Variants in CCDC66 observed in about 807,000 individuals in gnomAD.
The protein encoded by CCDC66 is coiled-coil domain-containing protein 66.
CCDC66 carries 133 observed loss-of-function variants against 128.3 expected under a neutral mutation model. That is an observed-to-expected ratio of 1.04 (90% CI 0.90 to 1.20). The LOEUF (loss-of-function observed/expected upper bound fraction) is 1.20, where lower values mean the gene tolerates loss of function less well. CCDC66 is among the 50% of genes most tolerant of loss of function. The pLI is 0.00. For synonymous variants in CCDC66, 387 were observed against 357.0 expected, an observed-to-expected ratio of 1.08 and a Z score of -0.95; for missense variants, 1,126 against 1,075.5, an observed-to-expected ratio of 1.05 and a Z score of -0.66.
intron 4 of CCDC66, among the ~76,000 whole-genome samples, chr3:56,566,003 G>A (rs1205150555): frequency 6.6e-6 from 1 of 152,168 alleles, no homozygotes; most frequent in Non-Finnish European, 1.5e-5. Flanking sequence ...AAGAGGAAAT[G>A]GAGATTTGTT....
chr3:56,576,518 T>C (rs1021520482), intron 7 of CCDC66, among the ~76,000 whole-genome samples: 3 of 150,776 alleles, frequency 2.0e-5, no homozygotes, highest in African/African-American at 7.3e-5. Context: ...TAACTCGTCA[T>C]TTACATTAGA....
chr3:56,619,692 A>ATGAC, intron 16 of CCDC66, 85 bp from the exon 17 acceptor site: 1 of 1,520,228 alleles, frequency 6.6e-7, no homozygotes, highest in South Asian at 1.3e-5. Flanking sequence ...ACTTATTATA[A>ATGAC]TGACTCCTGA....
intron 7 of CCDC66, among the ~76,000 whole-genome samples, chr3:56,582,767 A>G (rs955247): frequency 0.044 from 6,604 of 151,196 alleles, 201 homozygotes; most frequent in East Asian, 0.099. Context: ...ACTTCGATCT[A>G]CATTAATGCT....
intron 1 of CCDC66, chr3:56,557,727 G>T (rs2064529462): frequency 6.1e-6 from 1 of 162,748 alleles, no homozygotes; most frequent in Non-Finnish European, 1.3e-5. Flanking sequence ...TGTAGTACCA[G>T]TGCCTAACAC....
rs756316372 is a variant in CCDC66 at position 56,619,838 on chromosome 3, T to TAACA, written c.2698_2701dup (p.Met901LysfsTer6). On this transcript the variant is annotated frameshift_variant, in exon 17 of 18. Transcript: ENST00000394672. LOFTEE classifies it high-confidence loss of function. ...GTGTCAGGGATCCACTTCTTAATCC[T>TAACA]AACATGGTGAAAAATAGGGATCGAC... is the stretch of plus-strand genomic sequence containing the variant. 1.7e-5 allele frequency: 27 copies of TAACA among 1,614,034 alleles called. No homozygotes were observed. Among genetic ancestry groups the TAACA allele is most frequent in the African/African-American group, 2.7e-5 (2 of 74,926 alleles).
Position 56,621,707 on chromosome 3 carries a change from T to G in CCDC66, c.*89T>G. 1.2e-6 allele frequency: 1 copy of G among 841,320 alleles called. No individual in the cohort carries two copies. The highest frequency in any genetic ancestry group is 1.9e-6 in the Non-Finnish European group (1 of 539,500). The allele number at this position is 841,320 out of a possible 1,614,324, so 52.1% of individuals were successfully genotyped here. ...GCTCAACTGTATTTTTCAAATAGCC[T>G]AGATTTACTTATTTTTTTAAATGCT... is the stretch of plus-strand genomic sequence containing the variant. On this transcript the variant is annotated 3_prime_UTR_variant, in exon 18 of 18. Transcript: ENST00000394672.
intron 7 of CCDC66, among the ~76,000 whole-genome samples, chr3:56,591,991 T>G (rs921919136): frequency 5.9e-5 from 9 of 152,224 alleles, no homozygotes; most frequent in African/African-American, 9.7e-5. Context: ...AGAATATATT[T>G]TTTTCCTTTT....
Position 56,580,555 on chromosome 3 carries a change from T to A in CCDC66, c.936+9253T>A, listed in dbSNP as rs1577456391. Among the ~76,000 whole-genome samples, 3 of 151,972 alleles carry A rather than the reference T, an allele frequency of 2.0e-5. No homozygotes were observed. In the South Asian group the frequency reaches 6.2e-4, roughly 32 times the overall value. On this transcript the variant is annotated intron_variant, in intron 7 of 17. Transcript: ENST00000394672. Reference sequence around the variant, plus strand: ...TTTTGCAGTGGCTGGTACCGGTTGTTCCTTTCCATGTTTAGTGCTTCCTTC... The same window carrying A: ...TTTTGCAGTGGCTGGTACCGGTTGTACCTTTCCATGTTTAGTGCTTCCTTC...
intron 7 of CCDC66, among the ~76,000 whole-genome samples, chr3:56,573,603 T>C (rs2066928607): frequency 6.6e-6 from 1 of 152,240 alleles, no homozygotes; most frequent in Admixed American, 6.5e-5. Context: ...GGGTAGAGTT[T>C]TCAGCCCTCT....
At chr3:56,601,197 C>T (rs966256083) in intron 10 of CCDC66, among the ~76,000 whole-genome samples, 4 of 152,062 alleles carry the variant, frequency 2.6e-5, no homozygotes, top group Non-Finnish European at 5.9e-5. Flanking sequence ...ATATGGCTAG[C>T]CAGTTTTCCC....
chr3:56,571,489 C>G (rs2066609911), intron 7 of CCDC66, 187 bp downstream of exon 7: 1 of 398,094 alleles, frequency 2.5e-6, no homozygotes, highest in Non-Finnish European at 4.5e-6. Context: ...TCAAGCGATT[C>G]TCCTGCCTCA....
rs79362032 is a variant in CCDC66 at position 56,571,054 on chromosome 3, A to G, written c.815-127A>G. On this transcript the variant is annotated intron_variant, in intron 6 of 17. Transcript: ENST00000394672. ...AAATTATTCTCCACTTTGTGAGTTA[A>G]TCTCCTTCCTAAAAAAGAGTTTTGA... 1.3e-4 allele frequency: 79 copies of G among 612,866 alleles called. No homozygotes were observed. The African/African-American group carries it at 1.4e-3, about 11-fold the overall frequency. 38.0% of individuals were successfully genotyped at this position (612,866 alleles called of 1,614,324 possible). A position where few individuals can be genotyped will look rare whatever the true frequency, so the allele number is the denominator to read the frequency against.
intron 7 of CCDC66, among the ~76,000 whole-genome samples, chr3:56,580,311 G>A (rs1304040337): frequency 4.6e-5 from 7 of 151,658 alleles, no homozygotes; most frequent in Non-Finnish European, 1.0e-4. Context: ...GTCTCTGCAT[G>A]TGAGATGGGT....
chr3:56,591,597 T>G (rs568612780), intron 7 of CCDC66, among the ~76,000 whole-genome samples: 16 of 152,214 alleles, frequency 1.1e-4, no homozygotes, highest in Non-Finnish European at 1.9e-4. Flanking sequence ...ACAATGCTCG[T>G]TTTTCTTTTC....
intron 10 of CCDC66, 81 bp from the exon 11 acceptor site, chr3:56,613,507 AT>A: frequency 1.3e-6 from 2 of 1,500,564 alleles, no homozygotes; most frequent in African/African-American, 2.8e-5. Flanking sequence ...TGAGCACTGA[AT>A]GTATCTAGTC....
intron 12 of CCDC66, among the ~76,000 whole-genome samples, chr3:56,615,711 G>A (rs538702387): frequency 2.0e-5 from 3 of 152,190 alleles, no homozygotes; most frequent in African/African-American, 7.2e-5. Flanking sequence ...GGTAAAATGT[G>A]TACTTTTTGT....
intron 6 of CCDC66, chr3:56,570,014 T>G (rs1292310292): frequency 6.6e-6 from 1 of 152,218 alleles, no homozygotes; most frequent in Non-Finnish European, 1.5e-5. Context: ...TTTTGTATCT[T>G]TAGTAGAGAC....
chr3:56,615,039 G>C, intron 11 of CCDC66, 89 bp from the exon 12 acceptor site: 1 of 1,377,494 alleles, frequency 7.3e-7, no homozygotes, highest in East Asian at 2.4e-5. Flanking sequence ...CTGATACATA[G>C]GAGAAGCTTA....
intron 9 of CCDC66, 24 bp downstream of exon 9, chr3:56,593,765 T>C (rs1353452534): frequency 2.5e-6 from 4 of 1,603,534 alleles, no homozygotes; most frequent in South Asian, 2.2e-5. Flanking sequence ...TATGTATTTA[T>C]TGACTTTTCA....
Sources: gnomAD v4.1 joint callset for allele counts (sites outside exome capture counted in the v4.1 genomes callset) on GRCh38, gnomAD v4.1.1 for gene constraint, MANE v1.5 for transcripts, NCBI Gene and HGNC (gene_info 2026-07-23, HGNC 2026-07-21) for gene names.